RASGRF1: variants seen among roughly 807,000 people sequenced by gnomAD.
RASGRF1 encodes the protein Ras protein specific guanine nucleotide releasing factor 1, also known as ras-specific guanine nucleotide-releasing factor 1.
A neutral mutation model predicts 138.7 loss-of-function variants in RASGRF1; 40 were observed. That is an observed-to-expected ratio of 0.29 (90% CI 0.22 to 0.38). The LOEUF (loss-of-function observed/expected upper bound fraction) is 0.38. RASGRF1 is among the 10% of genes least tolerant of loss of function. The pLI is 1.00. For synonymous variants in RASGRF1, 614 were observed against 663.2 expected (o/e 0.93, Z 1.14); for missense variants, 1,108 against 1,650.4 (o/e 0.67, Z 5.69).
In RASGRF1 at chr15:79,006,337, G is replaced by A. The variant is rs2056673917; in HGVS notation, c.1924C>T (p.Arg642Trp). 4.3e-6 allele frequency: 7 copies of A among 1,614,118 alleles called. No homozygotes were observed. The highest frequency in any genetic ancestry group is 1.3e-5 in the African/African-American group (1 of 74,932). Residue 642 changes from arginine (R) to tryptophan (W), a missense_variant, in exon 14 of 27, where the codon CGG (arginine) becomes TGG (tryptophan). This residue lies in a region of RASGRF1 where 686 missense variants were observed against 976.7 expected (regional missense o/e 0.70). Coordinates refer to ENST00000558480, the MANE Select transcript of RASGRF1 (RefSeq NM_001145648.3). This position sits in a 1 kb window ranked among gnomAD's most constrained non-coding sequence, Gnocchi z 4.0. ...VLQIRYASVERLLERLTDLRF... is the reference protein window; with the variant it reads ...VLQIRYASVEWLLERLTDLRF... ...AGGTCCGTCAGCCTCTCCAGCAGCCGCTCCACACTGGCGTAGCGGATCTGC... is the reference window on the plus strand; with the variant it reads ...AGGTCCGTCAGCCTCTCCAGCAGCCACTCCACACTGGCGTAGCGGATCTGC...
In RASGRF1 at chr15:79,077,231, G is replaced by A. The variant is rs187331786; in HGVS notation, c.277-12705C>T. Among the ~76,000 whole-genome samples, 44 of 152,270 alleles carry A rather than the reference G, an allele frequency of 2.9e-4. No homozygotes were observed. In the East Asian group the frequency reaches 6.2e-3, roughly 21 times the overall value. On this transcript the variant is annotated intron_variant, in intron 1 of 26. Transcript: ENST00000558480. Reference sequence around the variant, plus strand: ...GGGGTTGTGGGGTCTACCAGGGTTTGGAGTCATCAGACCTGGGTTCAAATT... The same window carrying A: ...GGGGTTGTGGGGTCTACCAGGGTTTAGAGTCATCAGACCTGGGTTCAAATT...
chr15:78,964,288 C>T (rs750128521), intron 26 of RASGRF1, among the ~76,000 whole-genome samples: 28 of 152,078 alleles, frequency 1.8e-4, no homozygotes, highest in Non-Finnish European at 1.5e-4. Flanking sequence ...GATTCTTCTG[C>T]CTCAGCATCC....
At chr15:79,047,827 G>A (rs1453658504) in intron 4 of RASGRF1, among the ~76,000 whole-genome samples, 1 of 152,158 alleles carries the variant, frequency 6.6e-6, no homozygotes, top group Non-Finnish European at 1.5e-5. Context: ...TGGGAGGAAG[G>A]GTACTGGGAT....
At chr15:79,033,567 T>C (rs1008875585) in intron 6 of RASGRF1, among the ~76,000 whole-genome samples, 4 of 142,686 alleles carry the variant, frequency 2.8e-5, no homozygotes, top group Non-Finnish European at 6.0e-5. Flanking sequence ...CATCTTCTTC[T>C]TCTTTTTTCT....
chr15:78,971,725 C>T (rs1219564340), intron 26 of RASGRF1, 141 bp downstream of exon 26: 1 of 762,128 alleles, frequency 1.3e-6, no homozygotes, highest in Non-Finnish European at 2.3e-6. Flanking sequence ...GGGAAGCCTT[C>T]CTTACAGGGA....
chr15:79,064,235 G>C (rs2057646223), intron 2 of RASGRF1, among the ~76,000 whole-genome samples, 185 bp downstream of exon 2: 1 of 152,184 alleles, frequency 6.6e-6, no homozygotes, highest in South Asian at 2.1e-4. Context: ...CATTCCCTGT[G>C]GCACTGAGAG....
At chr15:78,991,605 G>A in intron 21 of RASGRF1, 86 bp downstream of exon 21, 2 of 1,114,988 alleles carry the variant, frequency 1.8e-6, no homozygotes, top group African/African-American at 1.5e-5. Flanking sequence ...TGCAGCTCTG[G>A]AAATTCACTG....
intron 13 of RASGRF1, chr15:79,012,637 A>T: frequency 6.7e-7 from 1 of 1,481,502 alleles, no homozygotes. Flanking sequence ...AAATTTTGTT[A>T]TTTTTTTCTT....
chr15:79,003,257 C>T (rs1375135169), intron 15 of RASGRF1, among the ~76,000 whole-genome samples: 1 of 152,228 alleles, frequency 6.6e-6, no homozygotes, highest in Non-Finnish European at 1.5e-5. Flanking sequence ...ACAGTTCTTC[C>T]GGGAAGCCTT....
chr15:78,997,870 T>C, intron 19 of RASGRF1: 2 of 556,152 alleles, frequency 3.6e-6, no homozygotes, highest in East Asian at 6.3e-5. Flanking sequence ...TTTGAAGAGA[T>C]CAAGGTCTGG....
intron 26 of RASGRF1, 92 bp downstream of exon 26, chr15:78,971,774 A>C: frequency 8.4e-7 from 1 of 1,184,776 alleles, no homozygotes; most frequent in Non-Finnish European, 1.3e-6. Flanking sequence ...CTGGAAGGGA[A>C]AGTGGACGGG....
chr15:78,962,704 G>A (rs1403481404), intron 26 of RASGRF1, among the ~76,000 whole-genome samples: 5 of 152,146 alleles, frequency 3.3e-5, no homozygotes, highest in Admixed American at 6.5e-5. Context: ...GCAACAAAGT[G>A]AGACCCTGTT....
At chr15:79,012,584 T>A in intron 13 of RASGRF1, 1 of 1,610,436 alleles carries the variant, frequency 6.2e-7, no homozygotes, top group Non-Finnish European at 8.5e-7. Context: ...AAGTTGTAAG[T>A]TTAATCTGGA....
At chr15:79,052,939 G>A (rs1280917883) in intron 3 of RASGRF1, among the ~76,000 whole-genome samples, 1 of 152,104 alleles carries the variant, frequency 6.6e-6, no homozygotes, top group African/African-American at 2.4e-5. Flanking sequence ...TATCTATTTT[G>A]TATATTGGGG....
At chr15:79,071,729 C>T (rs993144337) in intron 1 of RASGRF1, among the ~76,000 whole-genome samples, 2 of 152,090 alleles carry the variant, frequency 1.3e-5, no homozygotes, top group Non-Finnish European at 2.9e-5. Context: ...CTCTGTGTCC[C>T]CTTCCCAGGT....
At chr15:79,061,922 G>A (rs1367879748) in intron 2 of RASGRF1, among the ~76,000 whole-genome samples, 1 of 152,200 alleles carries the variant, frequency 6.6e-6, no homozygotes, top group South Asian at 2.1e-4. Context: ...TAAGCACTAA[G>A]AAGTGGAACT....
At chr15:78,990,902 G>A (rs766567673) in intron 21 of RASGRF1, among the ~76,000 whole-genome samples, 1 of 152,202 alleles carries the variant, frequency 6.6e-6, no homozygotes, top group Non-Finnish European at 1.5e-5. Flanking sequence ...GGTTTCCAAA[G>A]TGCCGACCCT....
At chr15:79,053,860 T>G (rs2057470126) in intron 3 of RASGRF1, among the ~76,000 whole-genome samples, 1 of 152,216 alleles carries the variant, frequency 6.6e-6, no homozygotes, top group African/African-American at 2.4e-5. Context: ...TCGAAGTTTT[T>G]AAAGGCCTCA....
intron 1 of RASGRF1, among the ~76,000 whole-genome samples, chr15:79,075,019 A>C: frequency 6.6e-6 from 1 of 152,200 alleles, no homozygotes; most frequent in Non-Finnish European, 1.5e-5. Flanking sequence ...TCCCAAGTGC[A>C]TGGATGGAGC....
Sources: allele counts gnomAD v4.1 joint callset (sites outside exome capture counted in the v4.1 genomes callset), GRCh38; gene constraint gnomAD v4.1.1; regional missense constraint gnomAD v4.1.1; non-coding constraint Gnocchi (gnomAD v3.1); transcripts MANE v1.5; gene names NCBI Gene and HGNC (gene_info 2026-07-23, HGNC 2026-07-21).